Variants in NFASC observed in about 807,000 individuals in gnomAD.
The protein encoded by NFASC is neurofascin, also known as neurofascin homolog.
A neutral mutation model predicts 147.5 loss-of-function variants in NFASC; 43 were observed. The observed-to-expected ratio is 0.29, with a 90% CI of 0.23 to 0.38. NFASC has a LOEUF of 0.38. NFASC is among the 10% of genes least tolerant of loss of function. The probability of loss-of-function intolerance (pLI) is 1.00; values close to 1 mark genes in which losing one functional copy is unlikely to be tolerated. For synonymous variants in NFASC, 622 were observed against 665.5 expected, an observed-to-expected ratio of 0.93 and a Z score of 1.01; for missense variants, 1,320 against 1,689.0, an observed-to-expected ratio of 0.78 and a Z score of 3.83.
intron 29 of NFASC, 95 bp downstream of exon 29, chr1:205,012,961 C>T: frequency 1.2e-6 from 1 of 857,236 alleles, no homozygotes; most frequent in Non-Finnish European, 2.0e-6. Context: ...GGCTGAGAGG[C>T]CATGAGTAGC....
chr1:204,928,661 T>A (rs533148271), intron 2 of NFASC, among the ~76,000 whole-genome samples: 1 of 152,234 alleles, frequency 6.6e-6, no homozygotes, highest in Non-Finnish European at 1.5e-5. Context: ...AACAAGTGGA[T>A]GGTTAAAAGA....
At chr1:204,871,155 G>A in intron 1 of NFASC, 1 of 1,201,414 alleles carries the variant, frequency 8.3e-7, no homozygotes, top group Non-Finnish European at 1.1e-6. Flanking sequence ...CTCTGAAGCG[G>A]TGTGTGCTAG....
intron 1 of NFASC, among the ~76,000 whole-genome samples, chr1:204,911,923 T>C (rs1209092396): frequency 2.0e-5 from 3 of 152,188 alleles, no homozygotes; most frequent in African/African-American, 7.2e-5. Flanking sequence ...GTTTTCATGG[T>C]AGTTTCTTAT....
chr1:204,948,443 A>G (rs2093920071), intron 3 of NFASC, among the ~76,000 whole-genome samples: 1 of 151,944 alleles, frequency 6.6e-6, no homozygotes. Context: ...ACAGCATCCA[A>G]CCAACTCTTG....
intron 1 of NFASC, among the ~76,000 whole-genome samples, chr1:204,840,448 G>C (rs16854511): frequency 0.025 from 3,732 of 152,272 alleles, 134 homozygotes; most frequent in East Asian, 0.13. Context: ...TGCTTTTCAC[G>C]TGGCTATATC....
intron 8 of NFASC, among the ~76,000 whole-genome samples, chr1:204,959,621 G>A (rs377307243): frequency 1.3e-5 from 2 of 152,188 alleles, no homozygotes; most frequent in Non-Finnish European, 2.9e-5. Context: ...CACCACCAGG[G>A]CCCCTCTCTC....
chr1:204,881,212 C>T (rs551894371), intron 1 of NFASC, among the ~76,000 whole-genome samples: 82 of 152,152 alleles, frequency 5.4e-4, no homozygotes, highest in Non-Finnish European at 1.1e-3. Flanking sequence ...AGGGACTGGA[C>T]CCCAGGTTGA....
chr1:204,958,155 A>C (rs1275205251), intron 8 of NFASC, among the ~76,000 whole-genome samples: 2 of 152,146 alleles, frequency 1.3e-5, no homozygotes, highest in African/African-American at 4.8e-5. Flanking sequence ...TGAGCCCTCC[A>C]GGTAATTCAA....
chr1:204,857,770 C>T (rs915433461), intron 1 of NFASC, among the ~76,000 whole-genome samples: 1 of 152,122 alleles, frequency 6.6e-6, no homozygotes, highest in Non-Finnish European at 1.5e-5. Flanking sequence ...CCCCACAATT[C>T]TGGAAGCTGG....
At chr1:204,835,355 G>C (rs1673433449) in intron 1 of NFASC, among the ~76,000 whole-genome samples, 1 of 151,034 alleles carries the variant, frequency 6.6e-6, no homozygotes, top group Non-Finnish European at 1.5e-5. Context: ...AGCCTCCCAA[G>C]TAGCTGAGAC....
chr1:204,836,373 T>C (rs1673801913), intron 1 of NFASC, among the ~76,000 whole-genome samples: 1 of 152,142 alleles, frequency 6.6e-6, no homozygotes, highest in Admixed American at 6.6e-5. Flanking sequence ...TATGAGGAGG[T>C]ATTATAGCTA....
intron 8 of NFASC, chr1:204,961,986 A>G: frequency 4.2e-6 from 3 of 720,988 alleles, no homozygotes; most frequent in Non-Finnish European, 5.0e-6. Flanking sequence ...TTTCCTTTGC[A>G]AAAGACCACT....
At chr1:204,936,194 C>CTTTTTTTTTTTTTTTTTTT (rs1288327632) in intron 2 of NFASC, among the ~76,000 whole-genome samples, 1 of 63,814 alleles carries the variant, frequency 1.6e-5, no homozygotes, top group Non-Finnish European at 3.2e-5. Context: ...CTCTCTCTCT[C>CTTTTTTTTTTTTTTTTTTT]TTTCTTTTTC....
At chr1:204,854,167 CTT>C (rs2075950975) in intron 1 of NFASC, among the ~76,000 whole-genome samples, 1 of 151,868 alleles carries the variant, frequency 6.6e-6, no homozygotes. Flanking sequence ...ATCAATGTCT[CTT>C]GTTTGCTCTG....
intron 2 of NFASC, among the ~76,000 whole-genome samples, chr1:204,928,660 A>G (rs2092005072): frequency 1.3e-5 from 2 of 152,240 alleles, no homozygotes; most frequent in African/African-American, 2.4e-5. Flanking sequence ...TAACAAGTGG[A>G]TGGTTAAAAG....
chr1:204,913,725 A>T (rs576585834), intron 1 of NFASC, among the ~76,000 whole-genome samples: 4 of 152,164 alleles, frequency 2.6e-5, no homozygotes, highest in South Asian at 4.2e-4. Context: ...TAAAAAATTT[A>T]AAAAATAGCC....
chr1:205,004,103 C>T (rs1042190753), intron 27 of NFASC, among the ~76,000 whole-genome samples: 9 of 152,234 alleles, frequency 5.9e-5, no homozygotes, highest in African/African-American at 1.9e-4. Context: ...AGCTGTTGCT[C>T]ACTGGTATGT....
chr1:204,837,925 T>A (rs1249404342), intron 1 of NFASC, among the ~76,000 whole-genome samples: 2 of 152,156 alleles, frequency 1.3e-5, no homozygotes, highest in East Asian at 3.9e-4. Context: ...GCCTTGTAAG[T>A]TTTGCCTTAG....
At chr1:204,909,879 A>T (rs990170049) in intron 1 of NFASC, among the ~76,000 whole-genome samples, 3 of 151,786 alleles carry the variant, frequency 2.0e-5, no homozygotes, top group Non-Finnish European at 4.4e-5. Flanking sequence ...TTTATCAAAA[A>T]TCAGTTAAGT....
Sources: gnomAD v4.1 joint callset for allele counts (sites outside exome capture counted in the v4.1 genomes callset) on GRCh38, gnomAD v4.1.1 for gene constraint, MANE v1.5 for transcripts, NCBI Gene and HGNC (gene_info 2026-07-23, HGNC 2026-07-21) for gene names.